Variants in GBE1 observed in about 807,000 individuals in gnomAD.
GBE1 encodes 1,4-alpha-glucan-branching enzyme.
GBE1 carries 70 observed loss-of-function variants against 88.8 expected under a neutral mutation model. The ratio of observed to expected loss-of-function variants is 0.79; its 90% CI spans 0.65 to 0.96. The LOEUF (loss-of-function observed/expected upper bound fraction) is 0.96, where lower values mean the gene tolerates loss of function less well. GBE1 is among the 40% of genes least tolerant of loss of function. The probability of loss-of-function intolerance (pLI) is 0.00; values close to 1 mark genes in which losing one functional copy is unlikely to be tolerated. For synonymous variants in GBE1, 284 were observed against 300.1 expected (o/e 0.95, Z 0.56); for missense variants, 872 against 871.0 (o/e 1.00, Z -0.01).
chr3:81,667,808 G>A (rs1367422724), intron 3 of GBE1, among the ~76,000 whole-genome samples: 1 of 152,164 alleles, frequency 6.6e-6, no homozygotes, highest in East Asian at 1.9e-4. Context: ...ACTTGATCTT[G>A]ATGGATAAGC....
intron 12 of GBE1, among the ~76,000 whole-genome samples, chr3:81,555,902 C>T (rs756577101): frequency 3.9e-5 from 6 of 152,098 alleles, no homozygotes; most frequent in Admixed American, 2.6e-4. Flanking sequence ...TCTTCTTCAA[C>T]GACACACAAA....
intron 7 of GBE1, among the ~76,000 whole-genome samples, chr3:81,623,472 C>T (rs1236118233): frequency 6.6e-6 from 1 of 152,124 alleles, no homozygotes; most frequent in East Asian, 1.9e-4. Flanking sequence ...TTGTTGCTAC[C>T]TAGAAATGTA....
chr3:81,598,604 C>T lies in GBE1; in HGVS notation c.993-4581G>A, dbSNP rs1703989630. 2.0e-5 allele frequency among the ~76,000 whole-genome samples: 3 copies of T among 151,614 alleles called. No individual in the cohort carries two copies. The South Asian group carries it at 6.2e-4, about 32-fold the overall frequency. On this transcript the variant is annotated intron_variant, in intron 7 of 15. Transcript: ENST00000429644. ...ATTTGTATAAGTTACATTACAAACT[C>T]AGCCAATTGGAATTAAGAGAAAACT...
rs145030869 is a variant in GBE1 at position 81,761,305 on chromosome 3, C to T, written c.143+70G>A. On this transcript the variant is annotated intron_variant, in intron 1 of 15. Transcript: ENST00000429644. ...TGGCGCGCGAGGGCCGAGGGGCGGC[C>T]CGTGTCCCGAGACGGCTCCTGGGAG... is the stretch of plus-strand genomic sequence containing the variant. 1.8e-4 allele frequency: 270 copies of T among 1,532,360 alleles called. No homozygotes were observed. In the African/African-American group the frequency reaches 3.6e-3, roughly 21 times the overall value. The allele number at this position is 1,532,360 out of a possible 1,614,324, so 94.9% of individuals were successfully genotyped here. A position where few individuals can be genotyped will look rare whatever the true frequency, so the allele number is the denominator to read the frequency against.
chr3:81,501,800 A>T (rs1357606515), intron 14 of GBE1, among the ~76,000 whole-genome samples: 1 of 146,872 alleles, frequency 6.8e-6, no homozygotes, highest in Non-Finnish European at 1.5e-5. Flanking sequence ...GGGCTCAAGC[A>T]ATTTGTCCCA....
intron 2 of GBE1, among the ~76,000 whole-genome samples, chr3:81,682,479 T>TAAATAA (rs1263674685): frequency 6.6e-6 from 1 of 151,570 alleles, no homozygotes; most frequent in East Asian, 1.9e-4. Context: ...AATAAATAAA[T>TAAATAA]AAATAAAAAT....
At chr3:81,522,296 C>CAATACTGTT (rs914402877) in intron 14 of GBE1, among the ~76,000 whole-genome samples, 1 of 151,472 alleles carries the variant, frequency 6.6e-6, no homozygotes, top group Non-Finnish European at 1.5e-5. Context: ...TATTAAAAAA[C>CAATACTGTT]AATACTGTTT....
chr3:81,559,039 G>A (rs1703385815), intron 12 of GBE1, among the ~76,000 whole-genome samples: 1 of 152,048 alleles, frequency 6.6e-6, no homozygotes, highest in Non-Finnish European at 1.5e-5. Flanking sequence ...TAAGTTGGAA[G>A]TAGGCTGGCA....
chr3:81,662,216 G>A (rs1705042164), intron 3 of GBE1, among the ~76,000 whole-genome samples: 1 of 151,968 alleles, frequency 6.6e-6, no homozygotes. Context: ...TATTTTTACA[G>A]AGACCTGTTT....
chr3:81,548,252 TA>T (rs919642881), intron 12 of GBE1, among the ~76,000 whole-genome samples: 4 of 151,578 alleles, frequency 2.6e-5, no homozygotes, highest in Non-Finnish European at 5.9e-5. Flanking sequence ...TTGTAAGGGT[TA>T]AAAAAGGTTT....
intron 1 of GBE1, among the ~76,000 whole-genome samples, chr3:81,717,290 G>A (rs926170286): frequency 2.0e-5 from 3 of 152,082 alleles, no homozygotes; most frequent in Non-Finnish European, 2.9e-5. Flanking sequence ...GAAAAATTAC[G>A]TGGCAAAGAC....
intron 5 of GBE1, among the ~76,000 whole-genome samples, chr3:81,648,211 T>C (rs765868966): frequency 6.6e-6 from 1 of 152,136 alleles, no homozygotes; most frequent in African/African-American, 2.4e-5. Context: ...TGCCTAGTCA[T>C]TGAAGCAGGT....
chr3:81,726,655 C>G (rs1265658192), intron 1 of GBE1, among the ~76,000 whole-genome samples: 1 of 150,210 alleles, frequency 6.7e-6, no homozygotes, highest in Non-Finnish European at 1.5e-5. Flanking sequence ...AATCTCAGCT[C>G]CTAGCAACCT....
intron 2 of GBE1, among the ~76,000 whole-genome samples, chr3:81,693,377 C>T (rs1043471404): frequency 2.6e-5 from 4 of 151,996 alleles, no homozygotes; most frequent in African/African-American, 7.2e-5. Flanking sequence ...TACTTCCTAA[C>T]GTATCTTTAT....
intron 12 of GBE1, among the ~76,000 whole-genome samples, chr3:81,556,887 T>C (rs1336367090): frequency 1.3e-5 from 2 of 152,102 alleles, no homozygotes; most frequent in African/African-American, 4.8e-5. Context: ...TTAGGACAAC[T>C]TAAAATTTGT....
At chr3:81,713,696 T>G (rs1163480529) in intron 1 of GBE1, among the ~76,000 whole-genome samples, 10 of 152,202 alleles carry the variant, frequency 6.6e-5, no homozygotes, top group Non-Finnish European at 8.8e-5. Flanking sequence ...TATTTCTTAT[T>G]TTTAAAATGT....
intron 14 of GBE1, among the ~76,000 whole-genome samples, chr3:81,528,919 T>G (rs775426047): frequency 6.6e-6 from 1 of 152,084 alleles, no homozygotes; most frequent in Non-Finnish European, 1.5e-5. Context: ...TTTGTATTTT[T>G]ATCCATTAAG....
At chr3:81,508,371 G>A (rs1055705024) in intron 14 of GBE1, among the ~76,000 whole-genome samples, 1 of 152,086 alleles carries the variant, frequency 6.6e-6, no homozygotes, top group African/African-American at 2.4e-5. Flanking sequence ...TAAAACTGCT[G>A]CTGTCTGTCT....
intron 12 of GBE1, among the ~76,000 whole-genome samples, chr3:81,540,856 A>G (rs536407349): frequency 5.9e-5 from 9 of 151,996 alleles, no homozygotes; most frequent in Non-Finnish European, 1.2e-4. Flanking sequence ...CTACATGTTC[A>G]CCTTGCAAAG....
Sources: allele counts gnomAD v4.1 joint callset (sites outside exome capture counted in the v4.1 genomes callset), GRCh38; gene constraint gnomAD v4.1.1; transcripts MANE v1.5; gene names NCBI Gene and HGNC (gene_info 2026-07-23, HGNC 2026-07-21).